Variants in PCSK5 observed in about 807,000 individuals in gnomAD.
PCSK5 encodes prohormone convertase 5.
PCSK5 carries 129 observed loss-of-function variants against 233.2 expected under a neutral mutation model. The ratio of observed to expected loss-of-function variants is 0.55; its 90% CI spans 0.48 to 0.64. The LOEUF is 0.64. PCSK5 is among the 30% of genes least tolerant of loss of function. PCSK5 has a pLI of 0.00. For synonymous variants in PCSK5, 825 were observed against 879.2 expected, an observed-to-expected ratio of 0.94 and a Z score of 1.09; for missense variants, 2,076 against 2,430.1, an observed-to-expected ratio of 0.85 and a Z score of 3.06.
chr9:75,981,730 A>AT (rs201901248), intron 2 of PCSK5, among the ~76,000 whole-genome samples: 2,099 of 151,860 alleles, frequency 0.014, 43 homozygotes, highest in African/African-American at 0.046. Flanking sequence ...TTTTTTAAAC[A>AT]TTCTTTTTTT....
chr9:76,164,257 G>A (rs954969665), intron 12 of PCSK5, among the ~76,000 whole-genome samples: 1 of 152,142 alleles, frequency 6.6e-6, no homozygotes, highest in Non-Finnish European at 1.5e-5. Context: ...ACCCAACCAC[G>A]TGAACCTTCT....
At chr9:76,114,920 G>A (rs1008361692) in intron 9 of PCSK5, among the ~76,000 whole-genome samples, 5 of 152,084 alleles carry the variant, frequency 3.3e-5, no homozygotes, top group Non-Finnish European at 5.9e-5. Context: ...GGAAGCCAGT[G>A]TAGTAGTGCA....
At chr9:75,999,601 A>G (rs1827178237) in intron 3 of PCSK5, among the ~76,000 whole-genome samples, 1 of 152,264 alleles carries the variant, frequency 6.6e-6, no homozygotes, top group African/African-American at 2.4e-5. Flanking sequence ...TTTGTGGCTT[A>G]AGAATGCCTT....
chr9:76,192,025 GCAGAGAT>G (rs1824410796), intron 20 of PCSK5, among the ~76,000 whole-genome samples: 1 of 135,106 alleles, frequency 7.4e-6, no homozygotes, highest in East Asian at 2.2e-4. Flanking sequence ...GTTGCAGAGA[GCAGAGAT>G]CGTGTCCAGC....
At chr9:75,903,582 A>G (rs374962318) in intron 1 of PCSK5, among the ~76,000 whole-genome samples, 54 of 138,582 alleles carry the variant, frequency 3.9e-4, no homozygotes, top group African/African-American at 1.4e-3. Context: ...GTGTATATAT[A>G]TATATAAAAT....
At chr9:76,296,304 A>G (rs1828435793) in intron 26 of PCSK5, among the ~76,000 whole-genome samples, 1 of 152,216 alleles carries the variant, frequency 6.6e-6, no homozygotes, top group Admixed American at 6.5e-5. Flanking sequence ...ACATAAGCTA[A>G]AGCCATCTTG....
At chr9:76,025,338 G>A (rs1828375021) in intron 4 of PCSK5, among the ~76,000 whole-genome samples, 1 of 151,908 alleles carries the variant, frequency 6.6e-6, no homozygotes, top group Non-Finnish European at 1.5e-5. Flanking sequence ...CTTGAGCTCA[G>A]TAGTTTGAGA....
intron 1 of PCSK5, among the ~76,000 whole-genome samples, chr9:75,931,943 A>T (rs1823823820): frequency 6.6e-6 from 1 of 152,250 alleles, no homozygotes; most frequent in African/African-American, 2.4e-5. Context: ...TTTCAAATTA[A>T]CTGTATAAAT....
chr9:76,075,314 G>A (rs1830608201), intron 7 of PCSK5, among the ~76,000 whole-genome samples: 1 of 152,016 alleles, frequency 6.6e-6, no homozygotes, highest in Admixed American at 6.6e-5. Context: ...TCCTATGTCT[G>A]TACAAACCTT....
At chr9:76,268,696 C>A (rs2131370182) in intron 24 of PCSK5, among the ~76,000 whole-genome samples, 1 of 151,994 alleles carries the variant, frequency 6.6e-6, no homozygotes, top group Non-Finnish European at 1.5e-5. Context: ...AATACAAAAA[C>A]TAGCCAAATG....
chr9:76,288,384 C>T (rs1828153537), intron 24 of PCSK5, among the ~76,000 whole-genome samples: 1 of 152,074 alleles, frequency 6.6e-6, no homozygotes, highest in South Asian at 2.1e-4. Context: ...ACAGGGAGAC[C>T]CCATCTTAAA....
intron 9 of PCSK5, among the ~76,000 whole-genome samples, chr9:76,126,111 T>C (rs7037905): frequency 0.3 from 45,749 of 151,968 alleles, 7,120 homozygotes; most frequent in Non-Finnish European, 0.34. Flanking sequence ...ATAAGTTTTT[T>C]TGAAATACAT....
At chr9:76,210,467 T>C (rs1414049538) in intron 20 of PCSK5, among the ~76,000 whole-genome samples, 1 of 152,160 alleles carries the variant, frequency 6.6e-6, no homozygotes, top group East Asian at 1.9e-4. Flanking sequence ...CTCTCCCCTG[T>C]AAGTTTGTTT....
intron 5 of PCSK5, among the ~76,000 whole-genome samples, chr9:76,030,927 T>C (rs986517795): frequency 6.6e-6 from 1 of 152,038 alleles, no homozygotes; most frequent in African/African-American, 2.4e-5. Context: ...CAGTGGGGGA[T>C]TGATTGTTGG....
intron 7 of PCSK5, among the ~76,000 whole-genome samples, chr9:76,072,645 A>G (rs1490111103): frequency 6.6e-6 from 1 of 152,116 alleles, no homozygotes; most frequent in Non-Finnish European, 1.5e-5. Flanking sequence ...ATTTAAGGCC[A>G]TTATTGATCT....
intron 7 of PCSK5, among the ~76,000 whole-genome samples, chr9:76,092,420 A>G (rs1452500353): frequency 6.6e-6 from 1 of 152,136 alleles, no homozygotes; most frequent in African/African-American, 2.4e-5. Context: ...AGAGACGGTC[A>G]TTCTCTGAGC....
intron 7 of PCSK5, among the ~76,000 whole-genome samples, chr9:76,086,516 G>T (rs1831070736): frequency 6.6e-6 from 1 of 152,164 alleles, no homozygotes; most frequent in African/African-American, 2.4e-5. Context: ...AAACAGAATT[G>T]ACCAGTATGA....
At chr9:76,178,018 G>A (rs1288096025) in intron 14 of PCSK5, among the ~76,000 whole-genome samples, 1 of 151,818 alleles carries the variant, frequency 6.6e-6, no homozygotes, top group Non-Finnish European at 1.5e-5. Flanking sequence ...CCTTTCCTTT[G>A]GAGCTGCAAT....
In PCSK5 at chr9:76,233,569, C is replaced by T; in HGVS notation, c.2839C>T (p.Pro947Ser). The change falls in exon 22 of 38, where the codon CCT (proline) becomes TCT (serine). Residue 947 changes from proline to serine, a missense_variant. Coordinates refer to ENST00000674117, the MANE Select transcript of PCSK5 (RefSeq NM_001372043.1). ...HTCQRCQGSG[P>S]THCTSCGADN... ...CTGCCAGAGATGCCAAGGAAGTGGC[C>T]CTACCCACTGCACCTCCTGTGGAGC... The T allele has an allele frequency of 6.2e-7, 1 of 1,611,412 alleles. No homozygotes were observed. The highest frequency in any genetic ancestry group is 8.5e-7 in the Non-Finnish European group (1 of 1,179,708).
Sources: allele counts gnomAD v4.1 joint callset (sites outside exome capture counted in the v4.1 genomes callset), GRCh38; gene constraint gnomAD v4.1.1; transcripts MANE v1.5; gene names NCBI Gene and HGNC (gene_info 2026-07-23, HGNC 2026-07-21).